The following AK7 variants were observed in gnomAD, a reference collection of about 807,000 sequenced individuals.
AK7 encodes the protein adenylate kinase 7.
Under a neutral mutation model 96.6 loss-of-function variants are expected in AK7, and 78 were observed. That is an observed-to-expected ratio of 0.81 (90% CI 0.67 to 0.97). The LOEUF (loss-of-function observed/expected upper bound fraction) is 0.97, where lower values mean the gene tolerates loss of function less well. Among genes scored for constraint, AK7 ranks in the 50% least tolerant of loss-of-function variants. The probability of loss-of-function intolerance (pLI) is 0.00; values close to 1 mark genes in which losing one functional copy is unlikely to be tolerated. For missense variants in AK7, 855 were observed against 887.9 expected (o/e 0.96, Z 0.47); for synonymous variants, 302 against 317.2 (o/e 0.95, Z 0.51).
At chr14:96,461,725 CA>C (rs1894258783) in intron 12 of AK7, among the ~76,000 whole-genome samples, 2 of 152,018 alleles carry the variant, frequency 1.3e-5, no homozygotes, top group Non-Finnish European at 2.9e-5. Context: ...GCTGGGATTA[CA>C]GGCACACACC....
At chr14:96,409,210 T>C (rs755140257) in intron 4 of AK7, among the ~76,000 whole-genome samples, 15 of 152,340 alleles carry the variant, frequency 9.8e-5, no homozygotes, top group South Asian at 4.1e-4. Flanking sequence ...TTTAAACATA[T>C]TGAAAGAGCT....
chr14:96,456,327 C>T lies in AK7; in HGVS notation c.1099-20C>T, dbSNP rs779673024. 6 of 1,584,454 alleles carry T rather than the reference C, an allele frequency of 3.8e-6. No homozygotes were observed. In the East Asian group the frequency reaches 7.1e-5, roughly 19 times the overall value. ...ATCATTCAGAGCTTGCTGTATGTTC[C>T]TTACTCTCTCCTCTTTCAGCCAATC... On this transcript the variant is annotated intron_variant, in intron 10 of 17. Coordinates refer to ENST00000267584, the MANE Select transcript of AK7 (RefSeq NM_152327.5).
At chr14:96,455,432 C>T (rs1356886825) in intron 10 of AK7, among the ~76,000 whole-genome samples, 3 of 152,156 alleles carry the variant, frequency 2.0e-5, no homozygotes, top group Non-Finnish European at 2.9e-5. Context: ...CTGCAGTGAT[C>T]TGTGATTGCA....
chr14:96,403,492 A>G (rs1239882338), intron 2 of AK7, among the ~76,000 whole-genome samples: 1 of 152,200 alleles, frequency 6.6e-6, no homozygotes, highest in Non-Finnish European at 1.5e-5. Context: ...ATGCAGATTC[A>G]TCCAAAAGAA....
intron 15 of AK7, among the ~76,000 whole-genome samples, chr14:96,482,179 C>T (rs1416525479): frequency 6.6e-6 from 1 of 151,838 alleles, no homozygotes; most frequent in Non-Finnish European, 1.5e-5. Context: ...AGGAGGACTG[C>T]TTGAGCCAAA....
chr14:96,458,276 G>A (rs928435306), intron 12 of AK7, 64 bp downstream of exon 12: 7 of 1,568,172 alleles, frequency 4.5e-6, no homozygotes, highest in Non-Finnish European at 6.0e-6. Flanking sequence ...TAAAAATCTG[G>A]TTATAAAAGA....
At chr14:96,429,334 T>C (rs1876457992) in intron 5 of AK7, among the ~76,000 whole-genome samples, 1 of 152,228 alleles carries the variant, frequency 6.6e-6, no homozygotes, top group Non-Finnish European at 1.5e-5. Flanking sequence ...TCTGTTTTGG[T>C]ACCAGTACCA....
chr14:96,446,977 T>C (rs1380861594), intron 8 of AK7, among the ~76,000 whole-genome samples: 1 of 152,042 alleles, frequency 6.6e-6, no homozygotes, highest in Non-Finnish European at 1.5e-5. Context: ...TAAAAATAAA[T>C]TAAAAAGTTT....
At chr14:96,448,688 A>C (rs1893392726) in intron 8 of AK7, among the ~76,000 whole-genome samples, 3 of 149,276 alleles carry the variant, frequency 2.0e-5, no homozygotes, top group Non-Finnish European at 4.4e-5. Context: ...AGGTGTGGTA[A>C]CTCACACCTG....
intron 10 of AK7, among the ~76,000 whole-genome samples, chr14:96,454,919 C>A (rs1019803416): frequency 6.6e-6 from 1 of 152,140 alleles, no homozygotes; most frequent in African/African-American, 2.4e-5. Context: ...AATCCTACCA[C>A]TTTGGGAGGT....
At chr14:96,423,314 A>G (rs890454685) in intron 5 of AK7, among the ~76,000 whole-genome samples, 7 of 152,142 alleles carry the variant, frequency 4.6e-5, no homozygotes, top group African/African-American at 1.7e-4. Flanking sequence ...GAGGCAACCA[A>G]TCCTTATTTA....
chr14:96,394,189 C>G (rs146665226), intron 1 of AK7, among the ~76,000 whole-genome samples: 1 of 151,992 alleles, frequency 6.6e-6, no homozygotes, highest in East Asian at 1.9e-4. Context: ...TCAGAGGGCA[C>G]AGCAAAAGCA....
chr14:96,456,258 A>AACC, intron 10 of AK7, 89 bp from the exon 11 acceptor site: 1 of 1,071,156 alleles, frequency 9.3e-7, no homozygotes, highest in Non-Finnish European at 1.3e-6. Context: ...AAAAAAAAAA[A>AACC]AAAGCACTCC....
chr14:96,399,005 T>C lies in AK7; in HGVS notation c.294+742T>C, dbSNP rs1165805311. ...TTTTTTTTATTCATCCTTCAAGAGT[T>C]GTGTCTCTTCCTCCAGGAAGCCGTT... On this transcript the variant is annotated intron_variant, in intron 2 of 17. Coordinates refer to ENST00000267584, the MANE Select transcript of AK7 (RefSeq NM_152327.5). This position sits in a 1 kb window ranked among gnomAD's most constrained non-coding sequence, Gnocchi z 4.1. 2 of 152,024 alleles carry C rather than the reference T, an allele frequency of 1.3e-5. No individual in the cohort carries two copies. Among genetic ancestry groups the C allele is most frequent in the African/African-American group, 4.8e-5 (2 of 41,370 alleles). The allele number at this position is 152,024 out of a possible 1,614,324, so 9.4% of individuals were successfully genotyped here.
chr14:96,408,736 G>T, intron 3 of AK7, 111 bp from the exon 4 acceptor site: 1 of 868,960 alleles, frequency 1.2e-6, no homozygotes. Flanking sequence ...AGCATCAGAG[G>T]TAACAGCACC....
intron 14 of AK7, among the ~76,000 whole-genome samples, chr14:96,474,427 A>G (rs1051669476): frequency 2.0e-5 from 3 of 149,096 alleles, no homozygotes; most frequent in Non-Finnish European, 4.5e-5. Flanking sequence ...TGGGCAACAT[A>G]GTGAGACCTC....
rs372395532 is a variant in AK7, at chr14:96,459,600, CTGTAATCCCTT to C, written c.1357+1409_1357+1419del. 1.2e-3 allele frequency among the ~76,000 whole-genome samples: 175 copies of C among 152,164 alleles called. 1 individual carries two copies. In the East Asian group the frequency reaches 0.02, roughly 17 times the overall value. ...TGAGGCCGGGCACGGTGGCTCATGT[CTGTAATCCCTT>C]TGTAATCCCTTTGTAATCCCAGCAC... On this transcript the variant is annotated intron_variant, in intron 12 of 17. Transcript: ENST00000267584.
At chr14:96,404,546 G>A (rs1216471861) in intron 2 of AK7, among the ~76,000 whole-genome samples, 1 of 152,126 alleles carries the variant, frequency 6.6e-6, no homozygotes, top group Non-Finnish European at 1.5e-5. Flanking sequence ...TAAATCATCT[G>A]TTCCAAGCTG....
chr14:96,420,467 C>G (rs1212243502), intron 4 of AK7, among the ~76,000 whole-genome samples: 2 of 151,774 alleles, frequency 1.3e-5, no homozygotes, highest in Non-Finnish European at 2.9e-5. Flanking sequence ...TGTACTCCAT[C>G]CAGTCTAGGA....
Sources: gnomAD v4.1 joint callset for allele counts (sites outside exome capture counted in the v4.1 genomes callset) on GRCh38, gnomAD v4.1.1 for gene constraint, Gnocchi (gnomAD v3.1) non-coding constraint, MANE v1.5 for transcripts, NCBI Gene and HGNC (gene_info 2026-07-23, HGNC 2026-07-21) for gene names.